Variants in EPB41L1 observed in about 807,000 individuals in gnomAD.
The protein encoded by EPB41L1 is erythrocyte membrane protein band 4.1 like 1, also known as band 4.1-like protein 1.
Under a neutral mutation model 97.8 loss-of-function variants are expected in EPB41L1, and 29 were observed. The observed-to-expected ratio is 0.30, with a 90% CI of 0.22 to 0.40. The LOEUF (loss-of-function observed/expected upper bound fraction) is 0.40. Among genes scored for constraint, EPB41L1 ranks in the 10% least tolerant of loss-of-function variants. The probability of loss-of-function intolerance (pLI) is 1.00; values close to 1 mark genes in which losing one functional copy is unlikely to be tolerated. For synonymous variants in EPB41L1, 383 were observed against 459.2 expected, an observed-to-expected ratio of 0.83 and a Z score of 2.12; for missense variants, 812 against 1,162.3, an observed-to-expected ratio of 0.70 and a Z score of 4.38.
intron 2 of EPB41L1, among the ~76,000 whole-genome samples, chr20:36,121,214 C>G (rs2058742383): frequency 6.6e-6 from 1 of 152,048 alleles, no homozygotes; most frequent in African/African-American, 2.4e-5. Flanking sequence ...TGACTTCTCA[C>G]AAAAATGTGA....
chr20:36,138,610 G>C (rs2059509647), intron 2 of EPB41L1, among the ~76,000 whole-genome samples: 1 of 152,158 alleles, frequency 6.6e-6, no homozygotes, highest in Admixed American at 6.5e-5. Context: ...TATGTGCCAG[G>C]AACTGGGTTA....
chr20:36,106,687 G>A (rs2147543435), intron 1 of EPB41L1, among the ~76,000 whole-genome samples: 1 of 152,330 alleles, frequency 6.6e-6, no homozygotes, highest in South Asian at 2.1e-4. Context: ...TACCTTCGAG[G>A]CTTAGCTCTG....
intron 6 of EPB41L1, among the ~76,000 whole-genome samples, chr20:36,183,916 A>G (rs2061569762): frequency 6.6e-6 from 1 of 152,246 alleles, no homozygotes; most frequent in Non-Finnish European, 1.5e-5. Context: ...CCAAGTAGTA[A>G]GAATTATTTT....
At chr20:36,145,864 G>GCT (rs1412211331) in intron 2 of EPB41L1, among the ~76,000 whole-genome samples, 1 of 152,204 alleles carries the variant, frequency 6.6e-6, no homozygotes. Flanking sequence ...CTTGGCACCA[G>GCT]CTCCTTTCTA....
At chr20:36,159,822 G>T (rs1476008181) in intron 1 of EPB41L1, among the ~76,000 whole-genome samples, 1 of 152,224 alleles carries the variant, frequency 6.6e-6, no homozygotes, top group African/African-American at 2.4e-5. Context: ...CAGGGTTTAA[G>T]TCTTCTTTCT....
chr20:36,181,630 A>G lies in EPB41L1; in HGVS notation c.491-642A>G, dbSNP rs553075832. ...TTTTCCAACATGTGTTCTGAGAAAC[A>G]TTAATCTTTCAGGATGCTCTGTGAA... On this transcript the variant is annotated intron_variant, in intron 5 of 21. Coordinates refer to ENST00000338074, the MANE Select transcript of EPB41L1 (RefSeq NM_012156.2). Among the ~76,000 whole-genome samples, 58 of 152,354 alleles carry G rather than the reference A, an allele frequency of 3.8e-4. No individual in the cohort carries two copies. The South Asian group carries it at 5.0e-3, about 13-fold the overall frequency.
chr20:36,161,647 G>A (rs1037319849), intron 1 of EPB41L1, among the ~76,000 whole-genome samples: 17 of 151,998 alleles, frequency 1.1e-4, no homozygotes, highest in Non-Finnish European at 2.9e-5. Context: ...GCTAGTTCTT[G>A]TATTTTTAGT....
intron 14 of EPB41L1, chr20:36,208,373 G>C: frequency 2.2e-6 from 1 of 448,386 alleles, no homozygotes; most frequent in South Asian, 1.6e-5. Flanking sequence ...TGGGAAGGGG[G>C]GGCGCCTGAG....
chr20:36,128,390 G>A (rs1384137238), intron 2 of EPB41L1, among the ~76,000 whole-genome samples: 1 of 152,184 alleles, frequency 6.6e-6, no homozygotes, highest in Non-Finnish European at 1.5e-5. Context: ...TCCTGGCAGT[G>A]CCAAAAAGCA....
intron 1 of EPB41L1, chr20:36,155,332 C>T: frequency 2.7e-6 from 1 of 367,752 alleles, no homozygotes; most frequent in Non-Finnish European, 5.4e-6. Context: ...TGGTTACGGA[C>T]CCTTCCCCGC....
At chr20:36,148,185 C>T (rs1998147) in intron 2 of EPB41L1, among the ~76,000 whole-genome samples, 12,286 of 151,864 alleles carry the variant, frequency 0.081, 671 homozygotes, top group African/African-American at 0.15. Flanking sequence ...TGTGTGTGGG[C>T]GGAGGGAAGG....
intron 14 of EPB41L1, among the ~76,000 whole-genome samples, chr20:36,198,872 G>A (rs2062347320): frequency 6.6e-6 from 1 of 152,144 alleles, no homozygotes; most frequent in Admixed American, 6.5e-5. Context: ...ATGACTTTGG[G>A]CTTGTTACTT....
At chr20:36,197,134 GTCCAGGGT>G (rs1452612278) in intron 13 of EPB41L1, among the ~76,000 whole-genome samples, 4 of 152,372 alleles carry the variant, frequency 2.6e-5, no homozygotes, top group Admixed American at 2.6e-4. Context: ...TATCTGGAAG[GTCCAGGGT>G]GGTTGGGGAA....
rs929516775 is a variant in EPB41L1 at position 36,231,439 on chromosome 20, G to A, written c.*2099G>A. The A allele has an allele frequency of 6.6e-6, 1 of 152,282 alleles. No individual in the cohort carries two copies. The allele number at this position is 152,282 out of a possible 1,614,324, so 9.4% of individuals were successfully genotyped here. A position where few individuals can be genotyped will look rare whatever the true frequency, so the allele number is the denominator to read the frequency against. On this transcript the variant is annotated 3_prime_UTR_variant, in exon 22 of 22. Transcript: ENST00000338074. ...TCTCAGGCTGAAGAAGGTGGGAGGGGAGGGCGGAACCTGAGGAGCCACCTG... is the reference window on the plus strand; with the variant it reads ...TCTCAGGCTGAAGAAGGTGGGAGGGAAGGGCGGAACCTGAGGAGCCACCTG...
At chr20:36,202,970 C>A (rs1278729757) in intron 14 of EPB41L1, among the ~76,000 whole-genome samples, 1 of 152,202 alleles carries the variant, frequency 6.6e-6, no homozygotes, top group Non-Finnish European at 1.5e-5. Flanking sequence ...TTTCTCCCCA[C>A]CCCTGTTGCC....
At chr20:36,104,034 C>G (rs955416699) in intron 1 of EPB41L1, among the ~76,000 whole-genome samples, 3 of 152,142 alleles carry the variant, frequency 2.0e-5, no homozygotes, top group Non-Finnish European at 2.9e-5. Context: ...ACATCTACTA[C>G]GTTCTGAGCA....
At chr20:36,213,799 AC>A (rs1353406277) in intron 16 of EPB41L1, among the ~76,000 whole-genome samples, 1 of 152,220 alleles carries the variant, frequency 6.6e-6, no homozygotes, top group Non-Finnish European at 1.5e-5. Context: ...CAACACAGAT[AC>A]CTACATCTCT....
intron 1 of EPB41L1, among the ~76,000 whole-genome samples, chr20:36,102,035 A>G (rs1334421964): frequency 6.9e-6 from 1 of 145,336 alleles, no homozygotes; most frequent in East Asian, 2.1e-4. Context: ...ACAAAACAAA[A>G]CAAAAAAAAC....
intron 2 of EPB41L1, among the ~76,000 whole-genome samples, chr20:36,126,026 G>A (rs2058952244): frequency 6.6e-6 from 1 of 152,140 alleles, no homozygotes; most frequent in African/African-American, 2.4e-5. Context: ...GGGGGCTGAC[G>A]AGATTATAAA....
Sources: allele counts gnomAD v4.1 joint callset (sites outside exome capture counted in the v4.1 genomes callset), GRCh38; gene constraint gnomAD v4.1.1; transcripts MANE v1.5; gene names NCBI Gene and HGNC (gene_info 2026-07-23, HGNC 2026-07-21).